The following GMDS variants were observed in gnomAD, a reference collection of about 807,000 sequenced individuals.
GMDS encodes GDP-mannose 4,6 dehydratase.
In GMDS, 20 loss-of-function variants were observed where a neutral mutation model predicts 49.9. That is an observed-to-expected ratio of 0.40 (90% CI 0.28 to 0.58). GMDS has a LOEUF of 0.58. Among genes scored for constraint, GMDS ranks in the 20% least tolerant of loss-of-function variants. The probability of loss-of-function intolerance (pLI) is 0.42; values close to 1 mark genes in which losing one functional copy is unlikely to be tolerated. For synonymous variants in GMDS, 177 were observed against 178.6 expected, an observed-to-expected ratio of 0.99 and a Z score of 0.07; for missense variants, 362 against 481.4, an observed-to-expected ratio of 0.75 and a Z score of 2.32.
chr6:1,914,127 G>GTT (rs1225983780), intron 7 of GMDS, among the ~76,000 whole-genome samples: 53 of 50,010 alleles, frequency 1.1e-3, no homozygotes, highest in East Asian at 5.1e-3. Flanking sequence ...AGCGTTTTTT[G>GTT]TTTGTTTTTT....
intron 7 of GMDS, among the ~76,000 whole-genome samples, chr6:1,854,214 G>A (rs1757842584): frequency 6.6e-6 from 1 of 152,196 alleles, no homozygotes; most frequent in African/African-American, 2.4e-5. Context: ...ACACAGATAT[G>A]TGATAACAGA....
chr6:1,701,292 C>T (rs1308553679), intron 9 of GMDS, among the ~76,000 whole-genome samples: 2 of 152,162 alleles, frequency 1.3e-5, no homozygotes, highest in African/African-American at 2.4e-5. Context: ...AAAATACAGG[C>T]TACATTTCTT....
intron 8 of GMDS, among the ~76,000 whole-genome samples, chr6:1,737,922 G>A (rs1195410249): frequency 9.1e-6 from 1 of 109,694 alleles, no homozygotes; most frequent in South Asian, 3.0e-4. Flanking sequence ...ACCACACACA[G>A]ATACATACAC....
At chr6:1,997,137 G>C (rs1044896751) in intron 4 of GMDS, among the ~76,000 whole-genome samples, 3 of 151,984 alleles carry the variant, frequency 2.0e-5, no homozygotes, top group Admixed American at 1.3e-4. Context: ...GGTGCTGGCA[G>C]ATAGCAAAGT....
At chr6:2,009,186 G>A (rs1273736815) in intron 4 of GMDS, among the ~76,000 whole-genome samples, 4 of 152,112 alleles carry the variant, frequency 2.6e-5, no homozygotes, top group African/African-American at 7.2e-5. Context: ...CTCAAGATAC[G>A]AACATTCACA....
At chr6:1,893,356 G>A (rs1225588918) in intron 7 of GMDS, among the ~76,000 whole-genome samples, 1 of 151,874 alleles carries the variant, frequency 6.6e-6, no homozygotes, top group Non-Finnish European at 1.5e-5. Context: ...ACCATGCCCA[G>A]CTAACTTGTA....
chr6:1,652,359 T>A (rs1763678686), intron 9 of GMDS, among the ~76,000 whole-genome samples: 1 of 38,018 alleles, frequency 2.6e-5, no homozygotes, highest in Non-Finnish European at 5.0e-5. Flanking sequence ...GTGACAAGAG[T>A]GAAACTCCGC....
intron 4 of GMDS, among the ~76,000 whole-genome samples, chr6:1,979,556 G>A (rs1482996779): frequency 2.0e-5 from 3 of 152,176 alleles, no homozygotes; most frequent in Admixed American, 6.5e-5. Context: ...TAAAGAGAAT[G>A]AATCTACAAC....
intron 9 of GMDS, among the ~76,000 whole-genome samples, chr6:1,724,876 G>A (rs568307861): frequency 8.5e-5 from 13 of 152,288 alleles, no homozygotes; most frequent in African/African-American, 2.6e-4. Flanking sequence ...CCCCGGCCAC[G>A]CCCTGTGCCC....
chr6:1,932,524 A>C (rs901689066), intron 6 of GMDS, among the ~76,000 whole-genome samples: 18 of 151,152 alleles, frequency 1.2e-4, no homozygotes, highest in African/African-American at 4.1e-4. Context: ...AAAATTAACT[A>C]TAATTTCTAA....
intron 1 of GMDS, among the ~76,000 whole-genome samples, chr6:2,228,211 T>C (rs1368216389): frequency 6.6e-6 from 1 of 152,206 alleles, no homozygotes; most frequent in East Asian, 1.9e-4. Context: ...TAAACGTTTA[T>C]GACATCCCAC....
At position 2,220,595 on chromosome 6, in the gene GMDS, T is replaced by C. The variant is rs907371934; in HGVS notation, c.102+24726A>G. On this transcript the variant is annotated intron_variant, in intron 1 of 10. Transcript: ENST00000380815. ...TCACCTTCACTTTCTGACAGTTCAA[T>C]GTACACAAACTTTGCTACACACATA... is the stretch of plus-strand genomic sequence containing the variant. Among the ~76,000 whole-genome samples, 8 of 152,324 alleles carry C rather than the reference T, an allele frequency of 5.3e-5. No individual in the cohort carries two copies. In the East Asian group the frequency reaches 9.7e-4, roughly 18 times the overall value.
At chr6:2,000,011 T>A (rs1479587743) in intron 4 of GMDS, among the ~76,000 whole-genome samples, 92 of 5,530 alleles carry the variant, frequency 0.017, 4 homozygotes, top group Non-Finnish European at 0.031. Flanking sequence ...TATATATATT[T>A]TTTATATATA....
At chr6:2,095,240 A>G (rs1773529142) in intron 4 of GMDS, among the ~76,000 whole-genome samples, 1 of 152,196 alleles carries the variant, frequency 6.6e-6, no homozygotes, top group South Asian at 2.1e-4. Context: ...TGAGTTAAAT[A>G]GTGCATGCTT....
intron 9 of GMDS, among the ~76,000 whole-genome samples, chr6:1,652,717 T>TAG (rs1333326484): frequency 7.8e-5 from 1 of 12,896 alleles, no homozygotes; most frequent in African/African-American, 3.1e-4. Flanking sequence ...TATATATATA[T>TAG]ATAGAGAGAG....
At position 2,167,060 on chromosome 6, in the gene GMDS, A is replaced by T. The variant is rs116807693; in HGVS notation, c.103-42329T>A. Reference sequence around the variant, plus strand: ...TCAAGGCCACTGTTTCTCCCAAGCAATTTTAAACTGTGACTGAATCATTAC... The same window carrying T: ...TCAAGGCCACTGTTTCTCCCAAGCATTTTTAAACTGTGACTGAATCATTAC... On this transcript the variant is annotated intron_variant, in intron 1 of 10. Coordinates refer to ENST00000380815, the MANE Select transcript of GMDS (RefSeq NM_001500.4). Among the ~76,000 whole-genome samples the T allele has an allele frequency of 6.4e-3, 970 of 152,304 alleles. 12 individuals carry two copies. Among genetic ancestry groups the T allele is most frequent in the African/African-American group, 0.022 (929 of 41,564 alleles).
chr6:1,985,404 A>G (rs1378829786), intron 4 of GMDS, among the ~76,000 whole-genome samples: 2 of 152,216 alleles, frequency 1.3e-5, no homozygotes, highest in Non-Finnish European at 1.5e-5. Flanking sequence ...TAAAAAGAAC[A>G]TTAATGTCAA....
Position 2,022,791 on chromosome 6 carries a change from A to C in GMDS, c.346-61825T>G, listed in dbSNP as rs75126443. ...TACTTTATATGTAAAACACAGTTGG[A>C]AATCAGTTAATTAGAAAGCACCTCA... On this transcript the variant is annotated intron_variant, in intron 4 of 10. Coordinates refer to ENST00000380815, the MANE Select transcript of GMDS (RefSeq NM_001500.4). 4.5e-3 allele frequency among the ~76,000 whole-genome samples: 688 copies of C among 152,320 alleles called. 4 individuals carry two copies. The highest frequency in any genetic ancestry group is 0.015 in the African/African-American group (641 of 41,578).
intron 1 of GMDS, among the ~76,000 whole-genome samples, chr6:2,130,518 G>C (rs1488562772): frequency 3.9e-5 from 6 of 152,222 alleles, no homozygotes. Flanking sequence ...GGTGCTCAGT[G>C]GTTGCACATA....
Sources: allele counts gnomAD v4.1 joint callset (sites outside exome capture counted in the v4.1 genomes callset), GRCh38; gene constraint gnomAD v4.1.1; transcripts MANE v1.5; gene names NCBI Gene and HGNC (gene_info 2026-07-23, HGNC 2026-07-21).